Variants in VPS54 observed in about 807,000 individuals in gnomAD.
VPS54 encodes the protein vacuolar protein sorting-associated protein 54.
VPS54 carries 45 observed loss-of-function variants against 121.5 expected under a neutral mutation model. The observed-to-expected ratio is 0.37, with a 90% CI of 0.29 to 0.47. VPS54 has a LOEUF of 0.47. VPS54 is among the 20% of genes least tolerant of loss of function. The probability of loss-of-function intolerance (pLI) is 0.99; values close to 1 mark genes in which losing one functional copy is unlikely to be tolerated. For missense variants in VPS54, 1,090 were observed against 1,131.4 expected (o/e 0.96, Z 0.52); for synonymous variants, 371 against 385.8 (o/e 0.96, Z 0.45).
At chr2:63,947,777 T>C (rs1675050739) in intron 8 of VPS54, among the ~76,000 whole-genome samples, 1 of 152,094 alleles carries the variant, frequency 6.6e-6, no homozygotes, top group East Asian at 1.9e-4. Flanking sequence ...AAGTAAAAAA[T>C]ATCCTTCTCA....
chr2:63,925,724 G>C (rs1461914855), intron 12 of VPS54, among the ~76,000 whole-genome samples: 1 of 152,156 alleles, frequency 6.6e-6, no homozygotes, highest in Non-Finnish European at 1.5e-5. Context: ...CTGAACGAAA[G>C]AAATCAGAGA....
Position 63,916,882 on chromosome 2 carries a change from GA to G in VPS54, c.2228+17del. On this transcript the variant is annotated intron_variant, in intron 16 of 22. Transcript: ENST00000272322. ...TTAAATAGTTGACTCAACTACTAAA[GA>G]AAAATGTGTCACTCACCCAACAACT... 1 of 1,612,636 alleles carries G rather than the reference GA, an allele frequency of 6.2e-7. No homozygotes were observed. Among genetic ancestry groups the G allele is most frequent in the Non-Finnish European group, 8.5e-7 (1 of 1,178,948 alleles).
intron 4 of VPS54, among the ~76,000 whole-genome samples, chr2:63,971,449 T>C (rs1445856755): frequency 1.3e-5 from 2 of 152,380 alleles, no homozygotes; most frequent in East Asian, 1.9e-4. Context: ...CCACTGCCTA[T>C]GCTTCAGTCT....
chr2:63,894,162 C>T (rs1029256859), intron 22 of VPS54, among the ~76,000 whole-genome samples: 1 of 152,134 alleles, frequency 6.6e-6, no homozygotes, highest in Admixed American at 6.5e-5. Flanking sequence ...AATCTAACAG[C>T]AAATGTTGAA....
chr2:63,937,393 T>C (rs1674501780), intron 11 of VPS54, among the ~76,000 whole-genome samples: 1 of 152,178 alleles, frequency 6.6e-6, no homozygotes, highest in African/African-American at 2.4e-5. Flanking sequence ...ATAAAAAAGA[T>C]GCTCAACATC....
intron 7 of VPS54, among the ~76,000 whole-genome samples, chr2:63,957,985 G>T (rs530735213): frequency 6.6e-6 from 1 of 152,026 alleles, no homozygotes; most frequent in Non-Finnish European, 1.5e-5. Context: ...AAGAATTATA[G>T]TCATATAGAT....
intron 3 of VPS54, among the ~76,000 whole-genome samples, chr2:63,977,020 G>T (rs539087492): frequency 6.6e-6 from 1 of 151,636 alleles, no homozygotes; most frequent in Non-Finnish European, 1.5e-5. Context: ...GTAGAGATGG[G>T]GTTTCATCAT....
At chr2:64,010,414 A>T (rs1387194150) in intron 1 of VPS54, among the ~76,000 whole-genome samples, 1 of 152,224 alleles carries the variant, frequency 6.6e-6, no homozygotes, top group Non-Finnish European at 1.5e-5. Context: ...ATGTCCTACC[A>T]AAGATCAGTT....
chr2:63,972,934 T>TAA (rs111770155), intron 3 of VPS54, among the ~76,000 whole-genome samples: 1 of 140,154 alleles, frequency 7.1e-6, no homozygotes, highest in Non-Finnish European at 1.6e-5. Flanking sequence ...ACGTTCTGAG[T>TAA]AAAAAAAAAA....
chr2:64,016,023 C>T (rs904157225), intron 1 of VPS54, among the ~76,000 whole-genome samples: 3 of 152,222 alleles, frequency 2.0e-5, no homozygotes, highest in South Asian at 2.1e-4. Context: ...TACATGGCCA[C>T]GCTGTGGTTC....
intron 1 of VPS54, among the ~76,000 whole-genome samples, chr2:63,991,627 G>A (rs1677323646): frequency 6.6e-6 from 1 of 152,182 alleles, no homozygotes; most frequent in Admixed American, 6.5e-5. Context: ...GCTACTGTTT[G>A]CTCACGTCGT....
intron 12 of VPS54, among the ~76,000 whole-genome samples, chr2:63,924,249 A>G (rs1423822857): frequency 6.6e-6 from 1 of 152,212 alleles, no homozygotes; most frequent in Non-Finnish European, 1.5e-5. Flanking sequence ...AGCTGGGCAA[A>G]TAGTCCACAA....
At chr2:64,015,957 A>G (rs114956831) in intron 1 of VPS54, among the ~76,000 whole-genome samples, 1 of 152,280 alleles carries the variant, frequency 6.6e-6, no homozygotes, top group East Asian at 1.9e-4. Context: ...TGTCAAATAC[A>G]TACATATATA....
In VPS54 at chr2:63,949,057, C is replaced by A; in HGVS notation, c.1117G>T (p.Asp373Tyr). The change falls in exon 8 of 23, where the codon GAC becomes TAC. Residue 373 changes from aspartate (D) to tyrosine (Y), a missense_variant. This residue lies in a region of VPS54 where 801 missense variants were observed against 757.0 expected (regional missense o/e 1.06). Transcript: ENST00000272322. ...CATACCTCTTCTAAAACTTGACAGTCATCTTCCAGTGGTCTATTTAAGTCA... is the reference window on the plus strand; with the variant it reads ...CATACCTCTTCTAAAACTTGACAGTAATCTTCCAGTGGTCTATTTAAGTCA... ...HSDLNRPLED[D>Y]CQVLEEERLI... is the part of the protein sequence containing the mutation. 1 of 1,611,148 alleles carries A rather than the reference C, an allele frequency of 6.2e-7. No individual in the cohort carries two copies. Among genetic ancestry groups the A allele is most frequent in the South Asian group, 1.1e-5 (1 of 90,496 alleles).
chr2:64,009,628 A>T (rs572247173), intron 1 of VPS54, among the ~76,000 whole-genome samples: 1 of 151,564 alleles, frequency 6.6e-6, no homozygotes, highest in African/African-American at 2.4e-5. Flanking sequence ...CATTTTCATC[A>T]GTGTAATTTA....
At chr2:63,914,114 G>T (rs1296000138) in intron 17 of VPS54, 68 bp downstream of exon 17, 6 of 1,252,286 alleles carry the variant, frequency 4.8e-6, no homozygotes, top group Non-Finnish European at 6.9e-6. Context: ...TTTGAGTTAA[G>T]ATTAGTCACA....
chr2:64,018,703 G>A (rs72893109), intron 1 of VPS54, among the ~76,000 whole-genome samples: 14,957 of 148,788 alleles, frequency 0.1, 1,288 homozygotes, highest in African/African-American at 0.24. Flanking sequence ...ACAGGAGGCA[G>A]GGAACACAGC....
chr2:63,907,377 G>A (rs533577405), intron 20 of VPS54, among the ~76,000 whole-genome samples: 1 of 152,100 alleles, frequency 6.6e-6, no homozygotes, highest in Non-Finnish European at 1.5e-5. Context: ...AATTAGCTGG[G>A]CGTGGTGGTG....
intron 7 of VPS54, among the ~76,000 whole-genome samples, chr2:63,958,566 T>G (rs983377615): frequency 6.6e-6 from 1 of 152,136 alleles, no homozygotes; most frequent in Non-Finnish European, 1.5e-5. Flanking sequence ...AATTTAAAAA[T>G]TAGCCTGGCG....
Sources: allele counts gnomAD v4.1 joint callset (sites outside exome capture counted in the v4.1 genomes callset), GRCh38; gene constraint gnomAD v4.1.1; regional missense constraint gnomAD v4.1.1; transcripts MANE v1.5; gene names NCBI Gene and HGNC (gene_info 2026-07-23, HGNC 2026-07-21).